Variants in GRIP1 observed in about 807,000 individuals in gnomAD.
The protein encoded by GRIP1 is glutamate receptor-interacting protein 1.
Under a neutral mutation model 129.9 loss-of-function variants are expected in GRIP1, and 45 were observed. The ratio of observed to expected loss-of-function variants is 0.35; its 90% CI spans 0.27 to 0.44. GRIP1 has a LOEUF of 0.44. Ranked by LOEUF, GRIP1 falls within the 20% of genes least tolerant of loss-of-function variation. The pLI is 1.00. For missense variants in GRIP1, 1,196 were observed against 1,396.8 expected (o/e 0.86, Z 2.29); for synonymous variants, 530 against 520.8 (o/e 1.02, Z -0.24).
At chr12:66,569,844 T>C (rs766655662) in intron 2 of GRIP1, among the ~76,000 whole-genome samples, 51 of 152,160 alleles carry the variant, frequency 3.4e-4, no homozygotes, top group Non-Finnish European at 6.9e-4. Flanking sequence ...TATGGGAAAG[T>C]ATCAACAGAA....
chr12:66,906,303 A>G (rs10878526), intron 1 of GRIP1, among the ~76,000 whole-genome samples: 39,436 of 151,676 alleles, frequency 0.26, 5,531 homozygotes, highest in East Asian at 0.45. Context: ...GGCATGGTGG[A>G]CACACTTGTA....
intron 1 of GRIP1, among the ~76,000 whole-genome samples, chr12:66,846,571 C>T (rs192636277): frequency 2.6e-5 from 4 of 152,170 alleles, no homozygotes; most frequent in South Asian, 2.1e-4. Context: ...TGACTAACAC[C>T]GAAAAAATAG....
exon 1 of GRIP1, chr12:66,804,118 C>T (rs1182878428): frequency 2.2e-6 from 1 of 455,930 alleles, no homozygotes; most frequent in Non-Finnish European, 4.4e-6. Flanking sequence ...CTCTTCTGGT[C>T]GGTACTTTTT....
chr12:66,895,739 G>T (rs1405418812), intron 1 of GRIP1, among the ~76,000 whole-genome samples: 10 of 152,202 alleles, frequency 6.6e-5, no homozygotes, highest in Admixed American at 6.5e-4. Flanking sequence ...GTAACCAGTG[G>T]TACTGGTTTA....
rs751597931 is a variant in GRIP1, at chr12:67,011,619, T to C, written c.58+57431A>G. ...TCACATCCATATCCTCTATTTTTTT[T>C]TTTTGTCCTTCAGGGCCCAACTTAA... On this transcript the variant is annotated intron_variant, in intron 1 of 1. Transcript: ENST00000643019. 3.9e-5 allele frequency among the ~76,000 whole-genome samples: 6 copies of C among 152,172 alleles called. 1 individual carries two copies. Among genetic ancestry groups the C allele is most frequent in the Non-Finnish European group, 8.8e-5 (6 of 68,026 alleles).
intron 7 of GRIP1, among the ~76,000 whole-genome samples, chr12:66,502,609 C>T (rs1305563937): frequency 1.3e-5 from 2 of 152,110 alleles, no homozygotes; most frequent in African/African-American, 4.8e-5. Flanking sequence ...AGTGTGTTCT[C>T]ATAAGATTTG....
At chr12:66,608,278 G>A (rs2064628721) in intron 1 of GRIP1, among the ~76,000 whole-genome samples, 1 of 152,150 alleles carries the variant, frequency 6.6e-6, no homozygotes, top group African/African-American at 2.4e-5. Flanking sequence ...GTTTTACAGT[G>A]AGATAGTGAT....
intron 1 of GRIP1, among the ~76,000 whole-genome samples, chr12:66,978,497 T>C (rs2042188821): frequency 6.6e-6 from 1 of 152,188 alleles, no homozygotes; most frequent in Non-Finnish European, 1.5e-5. Flanking sequence ...GCCTTTGTCT[T>C]AAGTAATTAT....
chr12:66,445,211 T>C (rs2058586889), intron 12 of GRIP1, 111 bp downstream of exon 12: 5 of 908,280 alleles, frequency 5.5e-6, no homozygotes, highest in Admixed American at 5.3e-5. Context: ...CAGTTCATCA[T>C]ATCTTGCATT....
chr12:66,517,124 G>A (rs1340986121), intron 6 of GRIP1, among the ~76,000 whole-genome samples: 1 of 152,098 alleles, frequency 6.6e-6, no homozygotes, highest in Non-Finnish European at 1.5e-5. Flanking sequence ...GAAACAGAGA[G>A]ACAGGAGGAA....
chr12:66,679,100 T>C, upstream of GRIP1: 1 of 1,481,602 alleles, frequency 6.7e-7, no homozygotes, highest in Non-Finnish European at 9.0e-7. Flanking sequence ...CATTCACTAC[T>C]ACTACCACCC....
At position 66,592,208 on chromosome 12, in the gene GRIP1, G is replaced by A. The variant is rs143931630; in HGVS notation, c.136+4639C>T. Reference sequence around the variant, plus strand: ...TGGTGTCAAGGGTATGGTATTATGGGGATTATTTTCCAGACTTTGATTGTT... The same window carrying A: ...TGGTGTCAAGGGTATGGTATTATGGAGATTATTTTCCAGACTTTGATTGTT... On this transcript the variant is annotated intron_variant, in intron 2 of 24. Transcript: ENST00000359742. Among the ~76,000 whole-genome samples the A allele has an allele frequency of 1.6e-4, 25 of 152,190 alleles. No homozygotes were observed. In the South Asian group the frequency reaches 1.9e-3, roughly 11 times the overall value.
intron 1 of GRIP1, among the ~76,000 whole-genome samples, chr12:66,797,946 G>A (rs145646947): frequency 6.6e-6 from 1 of 152,128 alleles, no homozygotes; most frequent in African/African-American, 2.4e-5. Context: ...ACTAAAACGT[G>A]GTAGTTTTCT....
At chr12:66,455,141 C>A (rs1003482479) in intron 11 of GRIP1, among the ~76,000 whole-genome samples, 4 of 151,942 alleles carry the variant, frequency 2.6e-5, no homozygotes, top group Non-Finnish European at 5.9e-5. Context: ...ATCAAAAGAG[C>A]AAGAAAAATC....
At position 66,590,886 on chromosome 12, in the gene GRIP1, T is replaced by A. The variant is rs77342816; in HGVS notation, c.136+5961A>T. Among the ~76,000 whole-genome samples, 13 of 152,372 alleles carry A rather than the reference T, an allele frequency of 8.5e-5. No individual in the cohort carries two copies. The East Asian group carries it at 2.5e-3, about 29-fold the overall frequency. ...AGCATACAATGAGACAGAAAACATG[T>A]GGTCAACAGAGAACTTGTTGCACTT... On this transcript the variant is annotated intron_variant, in intron 2 of 24. Transcript: ENST00000359742.
chr12:66,681,190 C>T (rs537801660), upstream of GRIP1, among the ~76,000 whole-genome samples: 11 of 152,232 alleles, frequency 7.2e-5, no homozygotes, highest in Admixed American at 4.6e-4. Context: ...AGGAATCTTA[C>T]AGAAATGGAG....
intron 4 of GRIP1, 112 bp downstream of exon 4, chr12:66,538,966 T>C: frequency 1.2e-6 from 1 of 850,222 alleles, no homozygotes; most frequent in Non-Finnish European, 2.0e-6. Flanking sequence ...TAAGTATGTA[T>C]GTATAGAAAA....
At chr12:66,605,082 C>A (rs1244489559) in intron 1 of GRIP1, among the ~76,000 whole-genome samples, 2 of 143,544 alleles carry the variant, frequency 1.4e-5, no homozygotes, top group Non-Finnish European at 3.1e-5. Context: ...TATATATTCA[C>A]AATTTGGACT....
At chr12:66,663,808 G>A (rs2033647365) in intron 1 of GRIP1, among the ~76,000 whole-genome samples, 2 of 152,162 alleles carry the variant, frequency 1.3e-5, no homozygotes. Context: ...AAAATTCACT[G>A]CAACGTTTTC....
Sources: allele counts gnomAD v4.1 joint callset (sites outside exome capture counted in the v4.1 genomes callset), GRCh38; gene constraint gnomAD v4.1.1; transcripts MANE v1.5; gene names NCBI Gene and HGNC (gene_info 2026-07-23, HGNC 2026-07-21).